FTCDNL1: variants seen among roughly 807,000 people sequenced by gnomAD.
The protein encoded by FTCDNL1 is formiminotransferase cyclodeaminase N-terminal like, also known as formiminotransferase N-terminal subdomain-containing protein.
FTCDNL1 carries 11 observed loss-of-function variants against 5.9 expected under a neutral mutation model. That is an observed-to-expected ratio of 1.87 (90% confidence interval 1.18 to 3.10). FTCDNL1 has a LOEUF of 3.10. FTCDNL1 is among the 30% of genes most tolerant of loss of function. The probability of loss-of-function intolerance (pLI) is 0.00; values close to 1 mark genes in which losing one functional copy is unlikely to be tolerated. For missense variants in FTCDNL1, 115 were observed against 65.5 expected (o/e 1.76, Z -2.61); for synonymous variants, 58 against 24.8 (o/e 2.34, Z -3.99).
the FTCDNL1 span, among the ~76,000 whole-genome samples, chr2:199,744,817 C>T: frequency 6.6e-6 from 1 of 152,216 alleles, no homozygotes; most frequent in East Asian, 1.9e-4. Context: ...TCTTTATCTC[C>T]CAACCTTCGT....
intron 3 of FTCDNL1, among the ~76,000 whole-genome samples, chr2:199,826,437 A>C (rs1702037154): frequency 6.6e-6 from 1 of 151,892 alleles, no homozygotes; most frequent in Non-Finnish European, 1.5e-5. Flanking sequence ...AAGAAAGAAA[A>C]AAAAAAACCT....
At chr2:199,681,885 T>C in the FTCDNL1 span, among the ~76,000 whole-genome samples, 4 of 148,118 alleles carry the variant, frequency 2.7e-5, no homozygotes, top group African/African-American at 1.0e-4. Context: ...TCATAAAGTC[T>C]AACTATGGAC....
intron 4 of FTCDNL1, among the ~76,000 whole-genome samples, chr2:199,817,434 G>A (rs1701414388): frequency 6.6e-6 from 1 of 152,136 alleles, no homozygotes; most frequent in South Asian, 2.1e-4. Flanking sequence ...CGTGGGATTT[G>A]CAGATTTTTA....
At chr2:199,785,362 C>T (rs1309677579) in intron 3 of FTCDNL1, among the ~76,000 whole-genome samples, 2 of 147,464 alleles carry the variant, frequency 1.4e-5, no homozygotes, top group East Asian at 4.1e-4. Context: ...ATTCTCCTGC[C>T]TCAGCCTCTC....
chr2:199,815,236 C>A (rs1701283884), intron 4 of FTCDNL1, among the ~76,000 whole-genome samples: 1 of 152,180 alleles, frequency 6.6e-6, no homozygotes, highest in Admixed American at 6.5e-5. Context: ...AGGAATTTGG[C>A]TTAAAAGATT....
At chr2:199,844,368 A>G in intron 3 of FTCDNL1, 4 of 525,338 alleles carry the variant, frequency 7.6e-6, no homozygotes, top group Non-Finnish European at 1.4e-5. Flanking sequence ...ATAACCCCAA[A>G]CTTTCTCTTA....
At chr2:199,702,140 G>A in the FTCDNL1 span, among the ~76,000 whole-genome samples, 3 of 152,100 alleles carry the variant, frequency 2.0e-5, no homozygotes, top group African/African-American at 7.2e-5. Context: ...CCTGCTCGAA[G>A]GTGGAGGTGA....
chr2:199,834,620 G>A (rs888818574), intron 3 of FTCDNL1, among the ~76,000 whole-genome samples: 4 of 152,098 alleles, frequency 2.6e-5, no homozygotes, highest in Admixed American at 6.5e-5. Context: ...AGTCCCAGCC[G>A]CCAATACTAG....
the FTCDNL1 span, among the ~76,000 whole-genome samples, chr2:199,728,913 C>T: frequency 1.8e-3 from 277 of 152,334 alleles, 4 homozygotes; most frequent in African/African-American, 4.4e-3. Flanking sequence ...TTTAGGCTAA[C>T]GGCTAAAAGT....
chr2:199,812,777 T>C (rs1701112822), intron 4 of FTCDNL1, 53 bp from the exon 5 acceptor site: 1 of 684,184 alleles, frequency 1.5e-6, no homozygotes, highest in African/African-American at 1.8e-5. Context: ...ATGTGTGCTT[T>C]AATGAAAAAT....
chr2:199,829,644 G>A (rs1009797236), intron 3 of FTCDNL1, among the ~76,000 whole-genome samples: 6 of 152,142 alleles, frequency 3.9e-5, no homozygotes, highest in Non-Finnish European at 5.9e-5. Context: ...TTAATTAAAT[G>A]TATCTGTCTA....
chr2:199,715,745 GTTAC>G, the FTCDNL1 span, among the ~76,000 whole-genome samples: 1 of 152,120 alleles, frequency 6.6e-6, no homozygotes, highest in Admixed American at 6.5e-5. Flanking sequence ...GAGAGGTTAA[GTTAC>G]TTGTCCAAGA....
intron 3 of FTCDNL1, among the ~76,000 whole-genome samples, chr2:199,803,055 G>A (rs553537879): frequency 2.0e-5 from 3 of 151,948 alleles, no homozygotes; most frequent in Non-Finnish European, 4.4e-5. Context: ...TTAGCCAGCT[G>A]TGGTGGTGTG....
At chr2:199,673,491 G>T in the FTCDNL1 span, among the ~76,000 whole-genome samples, 1 of 151,314 alleles carries the variant, frequency 6.6e-6, no homozygotes, top group Non-Finnish European at 1.5e-5. Context: ...TAATTTTTTC[G>T]TGATGACATC....
At chr2:199,775,086 GC>G (rs1257445310) in intron 3 of FTCDNL1, among the ~76,000 whole-genome samples, 3 of 152,166 alleles carry the variant, frequency 2.0e-5, no homozygotes, top group Non-Finnish European at 4.4e-5. Flanking sequence ...CCTGACACCA[GC>G]AATAGTTTCC....
rs189318648 is a variant in FTCDNL1 at position 199,848,882 on chromosome 2, C to A, written c.81G>T (p.Glu27Asp). Residue 27 changes from glutamate (E) to aspartate (D), a missense_variant, in exon 2 of 5, where the codon GAG (glutamate) becomes GAT (aspartate). Physicochemically the swap from Glu to Asp is conservative, Grantham distance 45 (BLOSUM62 2). Coordinates refer to ENST00000420128, the MANE Select transcript of FTCDNL1 (RefSeq NM_001363886.2). ...CAAGAAGAGCTGCTTTTGCTATGTT[C>A]TCAACAATGTATTTTCTTCCGGCTT... ...VSEAGRKYIV[E>D]NIAKAALLDK... The A allele has an allele frequency of 3.7e-4, 262 of 702,270 alleles. 1 individual carries two copies. Among genetic ancestry groups the A allele is most frequent in the East Asian group, 2.8e-3 (106 of 37,284 alleles). 43.5% of individuals were successfully genotyped at this position (702,270 alleles called of 1,614,324 possible).
chr2:199,688,292 G>T, the FTCDNL1 span, among the ~76,000 whole-genome samples: 3 of 151,392 alleles, frequency 2.0e-5, no homozygotes, highest in Non-Finnish European at 2.9e-5. Flanking sequence ...AATAAAATGG[G>T]TGTGCCTCAT....
At chr2:199,721,666 G>T in the FTCDNL1 span, among the ~76,000 whole-genome samples, 1 of 152,130 alleles carries the variant, frequency 6.6e-6, no homozygotes, top group East Asian at 1.9e-4. Context: ...GGGTCAAATG[G>T]TATTTCCAGT....
the FTCDNL1 span, among the ~76,000 whole-genome samples, chr2:199,671,607 T>C: frequency 1.1e-4 from 16 of 152,138 alleles, no homozygotes; most frequent in Admixed American, 3.3e-4. Flanking sequence ...CTTTTCAAAA[T>C]TGAAGATTCT....
Sources: gnomAD v4.1 joint callset for allele counts (sites outside exome capture counted in the v4.1 genomes callset) on GRCh38, gnomAD v4.1.1 for gene constraint, MANE v1.5 for transcripts, NCBI Gene and HGNC (gene_info 2026-07-23, HGNC 2026-07-21) for gene names.